Variants in CTNND2 observed in about 807,000 individuals in gnomAD.
CTNND2 encodes the protein catenin delta-2.
Under a neutral mutation model 144.4 loss-of-function variants are expected in CTNND2, and 22 were observed. That is an observed-to-expected ratio of 0.15 (90% CI 0.11 to 0.22). The LOEUF (loss-of-function observed/expected upper bound fraction) is 0.22. Ranked by LOEUF, CTNND2 falls within the 10% of genes least tolerant of loss-of-function variation. The pLI is 1.00. For synonymous variants in CTNND2, 751 were observed against 695.6 expected, an observed-to-expected ratio of 1.08 and a Z score of -1.25; for missense variants, 1,353 against 1,618.8, an observed-to-expected ratio of 0.84 and a Z score of 2.82.
At chr5:11,095,063 T>A (rs965097471) in intron 15 of CTNND2, among the ~76,000 whole-genome samples, 4 of 152,184 alleles carry the variant, frequency 2.6e-5, no homozygotes, top group African/African-American at 9.7e-5. Flanking sequence ...CTTCCATAAT[T>A]CCCATTATGT....
At chr5:11,773,853 A>T (rs1343786769) in intron 1 of CTNND2, among the ~76,000 whole-genome samples, 5 of 151,866 alleles carry the variant, frequency 3.3e-5, no homozygotes, top group African/African-American at 1.2e-4. Flanking sequence ...ATGCAAATTT[A>T]TAACCAATCA....
chr5:11,218,882 G>C (rs965184327), intron 10 of CTNND2, among the ~76,000 whole-genome samples: 1 of 152,158 alleles, frequency 6.6e-6, no homozygotes. Context: ...TTCTGGCAGA[G>C]AGGCACTCAG....
At chr5:11,572,562 G>C (rs972144028) in intron 2 of CTNND2, among the ~76,000 whole-genome samples, 5 of 152,040 alleles carry the variant, frequency 3.3e-5, no homozygotes, top group Admixed American at 3.3e-4. Context: ...CCTATTAGAT[G>C]ACATCCTCCT....
intron 3 of CTNND2, among the ~76,000 whole-genome samples, chr5:11,562,630 T>A (rs1411728878): frequency 6.6e-6 from 1 of 152,240 alleles, no homozygotes; most frequent in Non-Finnish European, 1.5e-5. Context: ...TATTATTTAG[T>A]ACAGATTTAA....
At chr5:10,995,646 G>A (rs1326161203) in intron 18 of CTNND2, among the ~76,000 whole-genome samples, 1 of 152,174 alleles carries the variant, frequency 6.6e-6, no homozygotes, top group Non-Finnish European at 1.5e-5. Flanking sequence ...TCACCTAGAA[G>A]ATATTGCAGT....
intron 2 of CTNND2, among the ~76,000 whole-genome samples, chr5:11,634,409 G>A (rs952863023): frequency 9.2e-5 from 14 of 152,104 alleles, no homozygotes; most frequent in Non-Finnish European, 1.5e-4. Flanking sequence ...TCTGCTCCAC[G>A]GGGATATGAA....
At chr5:11,191,406 A>T (rs1736230323) in intron 11 of CTNND2, among the ~76,000 whole-genome samples, 1 of 152,222 alleles carries the variant, frequency 6.6e-6, no homozygotes, top group Non-Finnish European at 1.5e-5. Context: ...CCATAGAGGA[A>T]ATCCAAAATC....
intron 2 of CTNND2, among the ~76,000 whole-genome samples, chr5:11,721,315 T>C (rs1786663707): frequency 6.6e-6 from 1 of 152,070 alleles, no homozygotes; most frequent in South Asian, 2.1e-4. Context: ...TGACTGTGAC[T>C]ATACCAAAAC....
rs199662271 is a variant in CTNND2, at chr5:11,761,962, C to CAT, written c.38-29692_38-29691dup. The stretch of plus-strand genomic sequence containing the variant: ...ATTGAAAAATGAAAGGACCAGGTCA[C>CAT]ATATATATAGATTAAGTGACATTAG... On this transcript the variant is annotated intron_variant, in intron 1 of 21. Coordinates refer to ENST00000304623, the MANE Select transcript of CTNND2 (RefSeq NM_001332.4). Among the ~76,000 whole-genome samples the CAT allele has an allele frequency of 4.0e-3, 605 of 152,172 alleles. 5 individuals are homozygous for CAT. Among genetic ancestry groups the CAT allele is most frequent in the African/African-American group, 0.014 (564 of 41,518 alleles).
chr5:11,881,921 T>C (rs1245359469), intron 1 of CTNND2, among the ~76,000 whole-genome samples: 1 of 152,046 alleles, frequency 6.6e-6, no homozygotes, highest in Non-Finnish European at 1.5e-5. Flanking sequence ...TTTGATTATA[T>C]CCATTTTAAC....
chr5:11,123,068 A>G (rs79009271), intron 12 of CTNND2, among the ~76,000 whole-genome samples: 3,494 of 152,242 alleles, frequency 0.023, 143 homozygotes, highest in African/African-American at 0.08. Context: ...CAACTCTGAC[A>G]GTCGCAGTTG....
At chr5:11,493,434 C>A (rs370021041) in intron 3 of CTNND2, among the ~76,000 whole-genome samples, 4 of 152,182 alleles carry the variant, frequency 2.6e-5, no homozygotes, top group African/African-American at 7.2e-5. Flanking sequence ...TCAAAGCAGA[C>A]GTGAAAATCA....
At chr5:11,430,546 A>T (rs1045431864) in intron 3 of CTNND2, among the ~76,000 whole-genome samples, 5 of 152,180 alleles carry the variant, frequency 3.3e-5, no homozygotes, top group Non-Finnish European at 2.9e-5. Flanking sequence ...TTAGAATTTT[A>T]ATTAATGCAC....
intron 9 of CTNND2, among the ~76,000 whole-genome samples, chr5:11,337,111 A>G (rs1753812947): frequency 6.6e-6 from 1 of 152,198 alleles, no homozygotes; most frequent in African/African-American, 2.4e-5. Context: ...GAAGCACAGA[A>G]CCTTCTTTGC....
intron 2 of CTNND2, among the ~76,000 whole-genome samples, chr5:11,585,296 C>T (rs182990259): frequency 1.6e-4 from 25 of 152,298 alleles, no homozygotes; most frequent in African/African-American, 5.8e-4. Flanking sequence ...GACCACTTCT[C>T]TCCTACTTAA....
intron 8 of CTNND2, 77 bp downstream of exon 8, chr5:11,364,619 T>C: frequency 8.5e-7 from 1 of 1,173,072 alleles, no homozygotes; most frequent in African/African-American, 1.6e-5. Flanking sequence ...CACCTTTCAT[T>C]TGGGAGTGTT....
chr5:11,685,347 T>G (rs1310638134), intron 2 of CTNND2, among the ~76,000 whole-genome samples: 6 of 152,194 alleles, frequency 3.9e-5, no homozygotes, highest in Non-Finnish European at 4.4e-5. Context: ...GCCATCATAT[T>G]AACCTACAGG....
At chr5:11,064,054 G>A (rs1221052024) in intron 16 of CTNND2, among the ~76,000 whole-genome samples, 1 of 152,112 alleles carries the variant, frequency 6.6e-6, no homozygotes, top group African/African-American at 2.4e-5. Flanking sequence ...CCCAGGAGAT[G>A]CCAGCAACAG....
chr5:11,294,177 CAAAA>C (rs34764407), intron 9 of CTNND2, among the ~76,000 whole-genome samples: 1 of 133,184 alleles, frequency 7.5e-6, no homozygotes, highest in Non-Finnish European at 1.6e-5. Flanking sequence ...GTCACAATCT[CAAAA>C]AAAAAAAAAA....
Sources: gnomAD v4.1 joint callset for allele counts (sites outside exome capture counted in the v4.1 genomes callset) on GRCh38, gnomAD v4.1.1 for gene constraint, MANE v1.5 for transcripts, NCBI Gene and HGNC (gene_info 2026-07-23, HGNC 2026-07-21) for gene names.